The following STARD13 variants were observed in gnomAD, a reference collection of about 807,000 sequenced individuals.
STARD13 encodes the protein stAR-related lipid transfer protein 13.
Under a neutral mutation model 106.4 loss-of-function variants are expected in STARD13, and 62 were observed. The observed-to-expected ratio is 0.58, with a 90% CI of 0.48 to 0.72. The LOEUF is 0.72. Ranked by LOEUF, STARD13 falls within the 30% of genes least tolerant of loss-of-function variation. The probability of loss-of-function intolerance (pLI) is 0.00; values close to 1 mark genes in which losing one functional copy is unlikely to be tolerated. For missense variants in STARD13, 1,387 were observed against 1,424.0 expected, an observed-to-expected ratio of 0.97 and a Z score of 0.42; for synonymous variants, 565 against 553.0, an observed-to-expected ratio of 1.02 and a Z score of -0.31.
chr13:33,622,084 T>A, the STARD13 span, among the ~76,000 whole-genome samples: 1 of 151,864 alleles, frequency 6.6e-6, no homozygotes. Flanking sequence ...GGATTACAGG[T>A]GTGAGCCACT....
the STARD13 span, among the ~76,000 whole-genome samples, chr13:33,443,788 G>T: frequency 6.6e-6 from 1 of 151,030 alleles, no homozygotes; most frequent in African/African-American, 2.4e-5. Context: ...GGAGGCTGAG[G>T]CAGGAGAATC....
At chr13:33,118,789 T>C (rs955200804) in intron 7 of STARD13, among the ~76,000 whole-genome samples, 2 of 151,604 alleles carry the variant, frequency 1.3e-5, no homozygotes, top group Non-Finnish European at 2.9e-5. Context: ...CAGGGGAGAG[T>C]TTTATGGGGA....
the STARD13 span, among the ~76,000 whole-genome samples, chr13:33,435,507 C>T: frequency 6.6e-6 from 1 of 152,158 alleles, no homozygotes; most frequent in Non-Finnish European, 1.5e-5. Flanking sequence ...TCTTGGCACA[C>T]TTTGATGCTT....
chr13:33,122,101 C>T (rs1876421737), intron 7 of STARD13, among the ~76,000 whole-genome samples: 1 of 152,214 alleles, frequency 6.6e-6, no homozygotes, highest in South Asian at 2.1e-4. Context: ...CAGCTTCGGC[C>T]TCCCAAAGTA....
chr13:33,221,651 T>A (rs1335822823), intron 1 of STARD13, among the ~76,000 whole-genome samples: 3 of 152,140 alleles, frequency 2.0e-5, no homozygotes, highest in Admixed American at 2.0e-4. Context: ...CTATAAGACT[T>A]GTGGATCCCA....
At chr13:33,119,244 A>AT (rs946850959) in intron 7 of STARD13, among the ~76,000 whole-genome samples, 19 of 152,154 alleles carry the variant, frequency 1.2e-4, no homozygotes, top group Admixed American at 3.3e-4. Flanking sequence ...TATGTCTGCT[A>AT]TTTTTTAAAT....
At chr13:33,360,621 AT>A in the STARD13 span, among the ~76,000 whole-genome samples, 1 of 24,798 alleles carries the variant, frequency 4.0e-5, no homozygotes, top group Non-Finnish European at 8.8e-5. Context: ...TACTTTTATT[AT>A]TTAATATACA....
chr13:33,552,403 A>G, the STARD13 span, among the ~76,000 whole-genome samples: 1 of 152,144 alleles, frequency 6.6e-6, no homozygotes, highest in African/African-American at 2.4e-5. Flanking sequence ...ACACATCTGA[A>G]TAGATTTAAA....
chr13:33,179,587 A>AC (rs1885029996), intron 1 of STARD13, among the ~76,000 whole-genome samples: 1 of 152,134 alleles, frequency 6.6e-6, no homozygotes, highest in Admixed American at 6.5e-5. Flanking sequence ...TATTCAACAG[A>AC]CACCTGCTGG....
At chr13:33,108,673 G>A (rs1278955314) in intron 12 of STARD13, among the ~76,000 whole-genome samples, 1 of 152,204 alleles carries the variant, frequency 6.6e-6, no homozygotes, top group East Asian at 1.9e-4. Context: ...TAAATAGCAG[G>A]CTGGTGGGGT....
intron 1 of STARD13, among the ~76,000 whole-genome samples, chr13:33,253,832 G>A (rs560365745): frequency 6.6e-6 from 1 of 152,162 alleles, no homozygotes; most frequent in Non-Finnish European, 1.5e-5. Flanking sequence ...AGACTGAACG[G>A]GATAAAAATA....
the STARD13 span, among the ~76,000 whole-genome samples, chr13:33,649,582 C>T: frequency 6.6e-6 from 1 of 152,098 alleles, no homozygotes; most frequent in Non-Finnish European, 1.5e-5. Flanking sequence ...TATCTCCTGC[C>T]CTAAGCCAGA....
chr13:33,371,503 T>C, the STARD13 span, among the ~76,000 whole-genome samples: 15 of 152,178 alleles, frequency 9.9e-5, no homozygotes, highest in Admixed American at 4.6e-4. Context: ...TTGCACAGGG[T>C]TTCTCTAATT....
At chr13:33,419,070 T>G in the STARD13 span, among the ~76,000 whole-genome samples, 1 of 152,166 alleles carries the variant, frequency 6.6e-6, no homozygotes, top group Non-Finnish European at 1.5e-5. Flanking sequence ...TCCAAAGGAC[T>G]GCAGCTCCTA....
chr13:33,666,457 C>A, the STARD13 span, among the ~76,000 whole-genome samples: 13 of 151,946 alleles, frequency 8.6e-5, no homozygotes, highest in African/African-American at 3.1e-4. Context: ...CCATGCCCGG[C>A]TAATTTTTTT....
chr13:33,489,678 C>T, the STARD13 span, among the ~76,000 whole-genome samples: 155 of 152,302 alleles, frequency 1.0e-3, no homozygotes, highest in Middle Eastern at 3.4e-3. Flanking sequence ...CCAGCTTCTA[C>T]GGCCAAAATG....
At chr13:33,228,019 G>A (rs1454317469) in intron 1 of STARD13, among the ~76,000 whole-genome samples, 3 of 152,200 alleles carry the variant, frequency 2.0e-5, no homozygotes, top group African/African-American at 4.8e-5. Flanking sequence ...TAACAGTTGC[G>A]TGGTGGGGGA....
At chr13:33,348,898 T>C (rs1419123546) in exon 2 of STARD13, 2 of 488,850 alleles carry the variant, frequency 4.1e-6, no homozygotes, top group East Asian at 3.4e-5. Context: ...GCTTACAACA[T>C]TGAGTGTTGG....
chr13:33,321,616 GA>G (rs1268227754), intron 1 of STARD13, among the ~76,000 whole-genome samples: 1 of 152,116 alleles, frequency 6.6e-6, no homozygotes, highest in Non-Finnish European at 1.5e-5. Flanking sequence ...ATTCAAAAAT[GA>G]TTATTAACTC....
Sources: allele counts gnomAD v4.1 joint callset (sites outside exome capture counted in the v4.1 genomes callset), GRCh38; gene constraint gnomAD v4.1.1; transcripts MANE v1.5; gene names NCBI Gene and HGNC (gene_info 2026-07-23, HGNC 2026-07-21).